Variants in METTL15 observed in about 807,000 individuals in gnomAD.
METTL15 encodes methyltransferase 15, mitochondrial 12S rRNA N4-cytidine.
A neutral mutation model predicts 38.3 loss-of-function variants in METTL15; 34 were observed. The ratio of observed to expected loss-of-function variants is 0.89; its 90% CI spans 0.68 to 1.18. METTL15 has a LOEUF of 1.18. Ranked by LOEUF, METTL15 falls within the 50% of genes most tolerant of loss-of-function variation. METTL15 has a pLI of 0.00. For missense variants in METTL15, 438 were observed against 498.4 expected, an observed-to-expected ratio of 0.88 and a Z score of 1.15; for synonymous variants, 162 against 170.9, an observed-to-expected ratio of 0.95 and a Z score of 0.41.
At chr11:28,242,614 T>C (rs563738723) in intron 4 of METTL15, among the ~76,000 whole-genome samples, 1 of 152,336 alleles carries the variant, frequency 6.6e-6, no homozygotes, top group African/African-American at 2.4e-5. Context: ...GTGTCTTTCC[T>C]TTGTTTTATG....
At chr11:28,195,214 C>G (rs754130786) in intron 3 of METTL15, among the ~76,000 whole-genome samples, 9 of 151,956 alleles carry the variant, frequency 5.9e-5, no homozygotes, top group Non-Finnish European at 1.3e-4. Context: ...GATTTCTTTT[C>G]TTTTAGGTAG....
At chr11:28,227,095 A>C (rs1253942520) in intron 4 of METTL15, among the ~76,000 whole-genome samples, 2 of 151,880 alleles carry the variant, frequency 1.3e-5, no homozygotes, top group Non-Finnish European at 1.5e-5. Flanking sequence ...TGTAAGCTGA[A>C]GCTGTTTTTT....
intron 6 of METTL15, among the ~76,000 whole-genome samples, chr11:28,301,012 G>A (rs1378835348): frequency 6.6e-6 from 1 of 152,064 alleles, no homozygotes; most frequent in Non-Finnish European, 1.5e-5. Context: ...GCCTGAAGTT[G>A]CCAGTTCCAT....
downstream of METTL15, among the ~76,000 whole-genome samples, chr11:28,531,124 A>G (rs1249438075): frequency 6.6e-6 from 1 of 151,990 alleles, no homozygotes; most frequent in African/African-American, 2.4e-5. Context: ...GAAAAGGATT[A>G]TCTGAAGCTA....
At chr11:28,512,791 G>T (rs187833990) in intron 6 of METTL15, among the ~76,000 whole-genome samples, 134 of 152,362 alleles carry the variant, frequency 8.8e-4, no homozygotes, top group African/African-American at 1.5e-3. Context: ...CAGTGCAGTG[G>T]TGGGCTGAAG....
At chr11:28,526,078 G>T (rs984131794) in intron 6 of METTL15, among the ~76,000 whole-genome samples, 1 of 152,206 alleles carries the variant, frequency 6.6e-6, no homozygotes, top group South Asian at 2.1e-4. Context: ...GCCACTCTGA[G>T]TGTGGGGCCT....
chr11:28,123,637 A>AT (rs1028747634), intron 3 of METTL15, among the ~76,000 whole-genome samples: 5 of 151,914 alleles, frequency 3.3e-5, no homozygotes, highest in Non-Finnish European at 5.9e-5. Flanking sequence ...AAGTATGTGC[A>AT]TTTTTTATAG....
intron 3 of METTL15, among the ~76,000 whole-genome samples, chr11:28,128,487 A>G (rs1262953022): frequency 6.6e-6 from 1 of 152,090 alleles, no homozygotes; most frequent in African/African-American, 2.4e-5. Context: ...ATATACATTT[A>G]TTTTCAAGCT....
intron 3 of METTL15, chr11:28,197,457 T>C (rs1210559555): frequency 2.3e-6 from 1 of 432,294 alleles, no homozygotes; most frequent in South Asian, 1.8e-5. Context: ...TTCATGTGTA[T>C]TGTCTTATTT....
At chr11:28,529,745 C>T (rs1370988161), downstream of METTL15, among the ~76,000 whole-genome samples, 4 of 152,102 alleles carry the variant, frequency 2.6e-5, no homozygotes, top group East Asian at 7.7e-4. Flanking sequence ...CTCCAATTGC[C>T]ATAATCCTTA....
intron 3 of METTL15, among the ~76,000 whole-genome samples, chr11:28,195,592 G>A (rs971901480): frequency 4.6e-5 from 7 of 151,956 alleles, no homozygotes; most frequent in Admixed American, 3.3e-4. Context: ...CGAGTTCCGT[G>A]TGGATTCTGG....
At chr11:28,147,134 G>A (rs951840942) in intron 3 of METTL15, among the ~76,000 whole-genome samples, 2 of 151,806 alleles carry the variant, frequency 1.3e-5, no homozygotes, top group Non-Finnish European at 2.9e-5. Flanking sequence ...TACCTGATAG[G>A]TTTCAGGCAC....
chr11:28,341,047 A>G (rs1310434618), intron 3 of METTL15, among the ~76,000 whole-genome samples: 1 of 152,194 alleles, frequency 6.6e-6, no homozygotes, highest in Non-Finnish European at 1.5e-5. Flanking sequence ...AGAAACCATC[A>G]TTCTCAGCAA....
chr11:28,451,033 A>T (rs2133447807), intron 6 of METTL15, among the ~76,000 whole-genome samples: 1 of 152,136 alleles, frequency 6.6e-6, no homozygotes, highest in South Asian at 2.1e-4. Flanking sequence ...GCTATGTTTG[A>T]CTCCAAAGGT....
At chr11:28,426,584 G>GTTTTTTTTTT (rs66959082) in intron 6 of METTL15, among the ~76,000 whole-genome samples, 73 of 82,318 alleles carry the variant, frequency 8.9e-4, no homozygotes, top group East Asian at 2.3e-3. Context: ...GCCAGCATCT[G>GTTTTTTTTTT]TTTTTTTTTT....
intron 5 of METTL15, among the ~76,000 whole-genome samples, chr11:28,383,753 G>T (rs1850412335): frequency 6.6e-6 from 1 of 152,032 alleles, no homozygotes; most frequent in Admixed American, 6.6e-5. Flanking sequence ...TTGGCCATGT[G>T]TATGTCTTCT....
chr11:28,398,865 A>G (rs1564920330), intron 5 of METTL15: 3 of 151,916 alleles, frequency 2.0e-5, no homozygotes, highest in Admixed American at 6.6e-5. Context: ...GTGAAAATGG[A>G]CATACTGCCC....
At chr11:28,519,545 G>T (rs1308707888) in intron 6 of METTL15, among the ~76,000 whole-genome samples, 1 of 136,016 alleles carries the variant, frequency 7.4e-6, no homozygotes, top group East Asian at 2.0e-4. Context: ...ACAGAGTGAG[G>T]CTCCGTCTCA....
rs1460642370 is a variant in METTL15 at position 28,267,983 on chromosome 11, G to A, written c.408-22223G>A. 2.6e-5 allele frequency among the ~76,000 whole-genome samples: 4 copies of A among 152,028 alleles called. No individual in the cohort carries two copies. The East Asian group carries it at 7.8e-4, about 29-fold the overall frequency. On this transcript the variant is annotated intron_variant, in intron 4 of 6. Coordinates refer to ENST00000407364, the MANE Select transcript of METTL15 (RefSeq NM_001113528.2). ...GAGGCCGAGGCGGGTGGATCACGAGGTCAGGAGATCGAGACCATCCCGGCT... is the reference window on the plus strand; with the variant it reads ...GAGGCCGAGGCGGGTGGATCACGAGATCAGGAGATCGAGACCATCCCGGCT...
Sources: gnomAD v4.1 joint callset for allele counts (sites outside exome capture counted in the v4.1 genomes callset) on GRCh38, gnomAD v4.1.1 for gene constraint, MANE v1.5 for transcripts, NCBI Gene and HGNC (gene_info 2026-07-23, HGNC 2026-07-21) for gene names.